SCRN1: variants seen among roughly 807,000 people sequenced by gnomAD.
The protein encoded by SCRN1 is secernin 1.
Under a neutral mutation model 43.3 loss-of-function variants are expected in SCRN1, and 19 were observed. That is an observed-to-expected ratio of 0.44 (90% confidence interval 0.31 to 0.64). The LOEUF (loss-of-function observed/expected upper bound fraction) is 0.64. Ranked by LOEUF, SCRN1 falls within the 30% of genes least tolerant of loss-of-function variation. The probability of loss-of-function intolerance (pLI) is 0.09; values close to 1 mark genes in which losing one functional copy is unlikely to be tolerated. For synonymous variants in SCRN1, 183 were observed against 188.9 expected (o/e 0.97, Z 0.26); for missense variants, 447 against 524.1 (o/e 0.85, Z 1.44).
intron 4 of SCRN1, among the ~76,000 whole-genome samples, chr7:29,942,539 G>A (rs1368747094): frequency 6.6e-6 from 1 of 152,206 alleles, no homozygotes; most frequent in Non-Finnish European, 1.5e-5. Context: ...ACTCTTGATG[G>A]AAGCATTCAA....
At chr7:29,957,518 A>C (rs1186976038) in intron 2 of SCRN1, among the ~76,000 whole-genome samples, 1 of 152,244 alleles carries the variant, frequency 6.6e-6, no homozygotes, top group Non-Finnish European at 1.5e-5. Flanking sequence ...TATCTCCCCC[A>C]GCTAGAGTGT....
intron 3 of SCRN1, among the ~76,000 whole-genome samples, chr7:29,951,198 C>T (rs1045062544): frequency 1.6e-4 from 25 of 152,344 alleles, no homozygotes; most frequent in African/African-American, 5.3e-4. Flanking sequence ...ATTTGCAGTA[C>T]GCCTGGTCCA....
At chr7:29,931,362 A>ACT (rs1268666516) in intron 6 of SCRN1, among the ~76,000 whole-genome samples, 1 of 152,208 alleles carries the variant, frequency 6.6e-6, no homozygotes. Flanking sequence ...TGTTCTAGGT[A>ACT]CTAGGGATAC....
chr7:29,936,407 G>T, intron 6 of SCRN1, 149 bp downstream of exon 6: 1 of 584,178 alleles, frequency 1.7e-6, no homozygotes, highest in Non-Finnish European at 2.9e-6. Flanking sequence ...AAAGCCCTTG[G>T]TGCTACACTG....
intron 1 of SCRN1, among the ~76,000 whole-genome samples, chr7:29,978,520 G>A (rs909107671): frequency 6.6e-6 from 1 of 152,136 alleles, no homozygotes; most frequent in African/African-American, 2.4e-5. Context: ...CATGTGTATA[G>A]GTACAAGAGA....
Position 29,974,296 on chromosome 7 carries a change from G to T in SCRN1, c.-1-5228C>A, listed in dbSNP as rs540936907. On this transcript the variant is annotated intron_variant, in intron 1 of 7. Coordinates refer to ENST00000242059, the MANE Select transcript of SCRN1 (RefSeq NM_014766.5). The stretch of plus-strand genomic sequence containing the variant: ...TCAAAAGTGGCAAATTCTTATATGA[G>T]TTATAGCTAGGATGAATTTTTTTAT... Among the ~76,000 whole-genome samples the T allele has an allele frequency of 2.6e-5, 4 of 152,330 alleles. No homozygotes were observed. The East Asian group carries it at 7.7e-4, about 29-fold the overall frequency.
At chr7:29,933,007 C>T (rs1323746865) in intron 6 of SCRN1, among the ~76,000 whole-genome samples, 1 of 151,852 alleles carries the variant, frequency 6.6e-6, no homozygotes, top group Non-Finnish European at 1.5e-5. Flanking sequence ...CTCCAGAGTA[C>T]CTGGGATTAC....
intron 2 of SCRN1, among the ~76,000 whole-genome samples, chr7:29,961,669 C>T (rs1161608187): frequency 6.6e-6 from 1 of 151,922 alleles, no homozygotes; most frequent in Non-Finnish European, 1.5e-5. Flanking sequence ...CCCCTCACCT[C>T]CCGGACGGGG....
intron 1 of SCRN1, among the ~76,000 whole-genome samples, chr7:29,986,118 C>G (rs1789143338): frequency 6.6e-6 from 1 of 152,314 alleles, no homozygotes; most frequent in South Asian, 2.1e-4. Flanking sequence ...CGCCTGTAAT[C>G]CCAGCTACTC....
chr7:29,954,828 C>T (rs775803821), intron 3 of SCRN1, among the ~76,000 whole-genome samples: 1 of 152,122 alleles, frequency 6.6e-6, no homozygotes, highest in Non-Finnish European at 1.5e-5. Context: ...TTATAGGCGC[C>T]TAGCACCACG....
At chr7:29,988,705 A>G (rs1347255449) in intron 1 of SCRN1, 1 of 152,590 alleles carries the variant, frequency 6.6e-6, no homozygotes, top group Admixed American at 6.5e-5. Flanking sequence ...AGCGTAAGTC[A>G]AGGACTTGCA....
intron 2 of SCRN1, among the ~76,000 whole-genome samples, chr7:29,963,269 C>A (rs886290195): frequency 8.6e-5 from 13 of 152,038 alleles, no homozygotes; most frequent in African/African-American, 3.1e-4. Flanking sequence ...CTCTCCTGGG[C>A]CAGAACTCAT....
chr7:29,969,911 T>C (rs1301255917), intron 1 of SCRN1: 2 of 456,302 alleles, frequency 4.4e-6, no homozygotes, highest in Non-Finnish European at 8.8e-6. Context: ...TAACCATCCT[T>C]GCCATTTGCT....
chr7:29,945,034 C>A (rs1056499953), intron 3 of SCRN1, among the ~76,000 whole-genome samples: 3 of 152,180 alleles, frequency 2.0e-5, no homozygotes, highest in Non-Finnish European at 2.9e-5. Flanking sequence ...GTCTCTGTCT[C>A]AGAGACCTTA....
At chr7:29,955,089 T>C (rs971712675) in intron 3 of SCRN1, 90 bp downstream of exon 3, 1 of 1,152,380 alleles carries the variant, frequency 8.7e-7, no homozygotes, top group Non-Finnish European at 1.2e-6. Context: ...AAGGATTATG[T>C]TAAAAAATGC....
chr7:29,926,984 G>A (rs1173780975), intron 6 of SCRN1, among the ~76,000 whole-genome samples: 1 of 151,474 alleles, frequency 6.6e-6, no homozygotes, highest in Non-Finnish European at 1.5e-5. Flanking sequence ...CTGAGCGAGA[G>A]AGGTTTGCCT....
At chr7:29,926,738 G>T in intron 6 of SCRN1, 106 bp from the exon 7 acceptor site, 1 of 933,788 alleles carries the variant, frequency 1.1e-6, no homozygotes. Flanking sequence ...ACTTATGGTG[G>T]GTGGTGGGTG....
At chr7:29,935,645 C>T (rs1787299867) in intron 6 of SCRN1, among the ~76,000 whole-genome samples, 1 of 152,208 alleles carries the variant, frequency 6.6e-6, no homozygotes, top group East Asian at 1.9e-4. Context: ...GAAAACTCCT[C>T]CAAGTGATTC....
chr7:29,988,210 C>T (rs535899910), intron 1 of SCRN1, among the ~76,000 whole-genome samples: 60 of 152,174 alleles, frequency 3.9e-4, no homozygotes, highest in Non-Finnish European at 6.6e-4. Flanking sequence ...AATGTGCACA[C>T]ATCTCTTTTA....
Sources: allele counts gnomAD v4.1 joint callset (sites outside exome capture counted in the v4.1 genomes callset), GRCh38; gene constraint gnomAD v4.1.1; transcripts MANE v1.5; gene names NCBI Gene and HGNC (gene_info 2026-07-23, HGNC 2026-07-21).